Variants in AMBRA1 observed in about 807,000 individuals in gnomAD.
AMBRA1 encodes autophagy and beclin 1 regulator 1.
In AMBRA1, 47 loss-of-function variants were observed where a neutral mutation model predicts 125.4. The observed-to-expected ratio is 0.37, with a 90% CI of 0.30 to 0.48. The LOEUF (loss-of-function observed/expected upper bound fraction) is 0.48, where lower values mean the gene tolerates loss of function less well. Ranked by LOEUF, AMBRA1 falls within the 20% of genes least tolerant of loss-of-function variation. The pLI, the probability that AMBRA1 is intolerant of heterozygous loss-of-function variation, is 0.99. For missense variants in AMBRA1, 1,331 were observed against 1,693.4 expected (o/e 0.79, Z 3.76); for synonymous variants, 626 against 655.5 (o/e 0.95, Z 0.69).
chr11:46,542,666 G>A lies in AMBRA1; in HGVS notation c.1351C>T (p.Leu451=). 6.2e-7 allele frequency: 1 copy of A among 1,614,180 alleles called. No homozygotes were observed. Among genetic ancestry groups the A allele is most frequent in the Non-Finnish European group, 8.5e-7 (1 of 1,180,034 alleles). The change falls in exon 7 of 18, where the codon CTG becomes TTG. Residue 451 remains leucine, a synonymous_variant. Transcript: ENST00000683756. The surrounding 1 kb of genome is among the most constrained non-coding windows in gnomAD (Gnocchi z 5.9). ...TGAGAGCCACCTTCCTGCTGTCTCA[G>A]CACAGACAGCAAACTCACCGAAGAG... ...SASSVSLLSV[L]RQQEGGSQAS...
chr11:46,436,458 G>A (rs1049115583), intron 12 of AMBRA1, among the ~76,000 whole-genome samples: 8 of 152,218 alleles, frequency 5.3e-5, no homozygotes, highest in African/African-American at 1.9e-4. Context: ...GGGACCACAA[G>A]GATGGTTCTG....
intron 1 of AMBRA1, among the ~76,000 whole-genome samples, chr11:46,592,920 G>C (rs536775655): frequency 1.8e-4 from 27 of 152,146 alleles, no homozygotes; most frequent in African/African-American, 6.3e-4. Flanking sequence ...TTTCCAAAGA[G>C]GCTGGGGAGA....
chr11:46,555,712 G>C (rs905618230), intron 1 of AMBRA1, among the ~76,000 whole-genome samples: 4 of 152,198 alleles, frequency 2.6e-5, no homozygotes, highest in African/African-American at 9.6e-5. Flanking sequence ...TGTGATTTGG[G>C]CTCCCTCTAC....
chr11:46,469,683 A>G (rs1949492562), intron 11 of AMBRA1, among the ~76,000 whole-genome samples: 1 of 152,034 alleles, frequency 6.6e-6, no homozygotes, highest in Admixed American at 6.6e-5. Flanking sequence ...CTTTTTTTAG[A>G]GATAGGATCT....
chr11:46,481,755 T>C (rs1027055830), intron 11 of AMBRA1, among the ~76,000 whole-genome samples: 1 of 152,210 alleles, frequency 6.6e-6, no homozygotes, highest in Admixed American at 6.5e-5. Context: ...GTGGTTCTGT[T>C]GGAAAAGAGC....
intron 11 of AMBRA1, among the ~76,000 whole-genome samples, chr11:46,484,696 G>A (rs1950202522): frequency 6.6e-6 from 1 of 151,774 alleles, no homozygotes; most frequent in Non-Finnish European, 1.5e-5. Flanking sequence ...GCCCAGGCTG[G>A]AGTGCAGTGG....
intron 11 of AMBRA1, among the ~76,000 whole-genome samples, chr11:46,444,660 T>C (rs1310374953): frequency 6.6e-6 from 1 of 152,248 alleles, no homozygotes; most frequent in Admixed American, 6.5e-5. Context: ...ACCCAGATTC[T>C]TCAGTATCAC....
chr11:46,397,622 T>G lies in AMBRA1; in HGVS notation c.3725A>C (p.Glu1242Ala). The change falls in exon 18 of 18, where the codon GAG becomes GCG. Residue 1242 changes from glutamate to alanine, a missense_variant. Coordinates refer to ENST00000683756, the MANE Select transcript of AMBRA1 (RefSeq NM_001387011.1). ...SWDQPGTPGR[E>A]PTQPTLPSSS... Reference sequence around the variant, plus strand: ...AGAGGGCAGGGTTGGCTGGGTTGGCTCCCGCCCAGGGGTACCAGGCTGGTC... The same window carrying G: ...AGAGGGCAGGGTTGGCTGGGTTGGCGCCCGCCCAGGGGTACCAGGCTGGTC... 1 of 1,611,020 alleles carries G rather than the reference T, an allele frequency of 6.2e-7. No homozygotes were observed. Among genetic ancestry groups the G allele is most frequent in the Non-Finnish European group, 8.5e-7 (1 of 1,178,148 alleles).
intron 11 of AMBRA1, among the ~76,000 whole-genome samples, chr11:46,467,067 C>T (rs1470025765): frequency 6.6e-6 from 1 of 151,958 alleles, no homozygotes; most frequent in Non-Finnish European, 1.5e-5. Flanking sequence ...AAGGTGCACG[C>T]CACCACACCT....
chr11:46,417,324 A>G (rs901273661), intron 15 of AMBRA1, among the ~76,000 whole-genome samples: 1 of 152,226 alleles, frequency 6.6e-6, no homozygotes, highest in Non-Finnish European at 1.5e-5. Context: ...TGCTGGGATT[A>G]CAGGCATGAG....
intron 1 of AMBRA1, among the ~76,000 whole-genome samples, chr11:46,550,794 A>ACAGATGT (rs2042968543): frequency 6.6e-6 from 1 of 152,070 alleles, no homozygotes; most frequent in Non-Finnish European, 1.5e-5. Flanking sequence ...ACTGATAAGA[A>ACAGATGT]CAGATGTCCA....
intron 1 of AMBRA1, among the ~76,000 whole-genome samples, chr11:46,593,128 G>A (rs1394711903): frequency 6.6e-6 from 1 of 152,182 alleles, no homozygotes; most frequent in Non-Finnish European, 1.5e-5. Flanking sequence ...CTTTACTTCT[G>A]AAGCCTCTTG....
chr11:46,448,564 G>C (rs895326135), intron 11 of AMBRA1, among the ~76,000 whole-genome samples: 3 of 152,086 alleles, frequency 2.0e-5, no homozygotes, highest in Admixed American at 6.6e-5. Flanking sequence ...AGAAGAAAAA[G>C]AGCAAATTAA....
chr11:46,582,867 C>T (rs957841012), intron 1 of AMBRA1, among the ~76,000 whole-genome samples: 1 of 151,028 alleles, frequency 6.6e-6, no homozygotes, highest in East Asian at 1.9e-4. Context: ...TGAAAAGGTA[C>T]GAATTGAGAT....
At chr11:46,547,355 T>C in intron 3 of AMBRA1, 59 bp from the exon 4 acceptor site, 8 of 1,479,024 alleles carry the variant, frequency 5.4e-6, no homozygotes, top group Middle Eastern at 2.4e-4. Flanking sequence ...ACCAATCTTA[T>C]CAACTTTGGA....
At chr11:46,496,291 A>AG (rs1950627061) in intron 9 of AMBRA1, among the ~76,000 whole-genome samples, 1 of 152,122 alleles carries the variant, frequency 6.6e-6, no homozygotes, top group South Asian at 2.1e-4. Flanking sequence ...CTGAGGCAGG[A>AG]GAATCCCTTG....
Position 46,417,960 on chromosome 11 carries a change from G to A in AMBRA1, c.3069C>T (p.Gly1023=), listed in dbSNP as rs759883448. 13 of 1,610,914 alleles carry A rather than the reference G, an allele frequency of 8.1e-6. No homozygotes were observed. The Admixed American group carries it at 8.3e-5, about 10-fold the overall frequency. The change falls in exon 15 of 18, where the codon GGC becomes GGT. Residue 1023 remains glycine, a synonymous_variant. Transcript: ENST00000683756. ...CTCCTTTGTTAGTACCATAGGCCAA[G>A]CCAAGCCCTGGCTCAGGCAGCCAAC... ...SARWLPEPGL[G]LAYGTNKGDL...
At position 46,457,056 on chromosome 11, in the gene AMBRA1, C is replaced by T. The variant is rs1343750774; in HGVS notation, c.2522-13458G>A. On this transcript the variant is annotated intron_variant, in intron 11 of 17. Transcript: ENST00000683756. Reference sequence around the variant, plus strand: ...CCTACATTCACATTAGGGGGCCCAGCTTCTAAAGGGTGAAAAGCTCCTGTC... The same window carrying T: ...CCTACATTCACATTAGGGGGCCCAGTTTCTAAAGGGTGAAAAGCTCCTGTC... 2.6e-5 allele frequency among the ~76,000 whole-genome samples: 4 copies of T among 152,358 alleles called. No individual in the cohort carries two copies. In the East Asian group the frequency reaches 7.7e-4, roughly 29 times the overall value.
At chr11:46,462,111 A>G (rs1949116683) in intron 11 of AMBRA1, among the ~76,000 whole-genome samples, 1 of 152,214 alleles carries the variant, frequency 6.6e-6, no homozygotes, top group African/African-American at 2.4e-5. Flanking sequence ...ATATCTGACG[A>G]GATTAAAATG....
Sources: allele counts gnomAD v4.1 joint callset (sites outside exome capture counted in the v4.1 genomes callset), GRCh38; gene constraint gnomAD v4.1.1; non-coding constraint Gnocchi (gnomAD v3.1); transcripts MANE v1.5; gene names NCBI Gene and HGNC (gene_info 2026-07-23, HGNC 2026-07-21).